DLG2: variants seen among roughly 807,000 people sequenced by gnomAD.
The protein encoded by DLG2 is discs large MAGUK scaffold protein 2.
In DLG2, 45 loss-of-function variants were observed where a neutral mutation model predicts 132.5. The observed-to-expected ratio is 0.34, with a 90% confidence interval of 0.27 to 0.44. The LOEUF (loss-of-function observed/expected upper bound fraction) is 0.44, where lower values mean the gene tolerates loss of function less well. Ranked by LOEUF, DLG2 falls within the 20% of genes least tolerant of loss-of-function variation. The probability of loss-of-function intolerance (pLI) is 1.00; values close to 1 mark genes in which losing one functional copy is unlikely to be tolerated. For synonymous variants in DLG2, 424 were observed against 419.6 expected (o/e 1.01, Z -0.13); for missense variants, 1,045 against 1,196.9 (o/e 0.87, Z 1.87).
chr11:85,279,313 T>C (rs569795090), intron 4 of DLG2, among the ~76,000 whole-genome samples: 90 of 151,286 alleles, frequency 5.9e-4, no homozygotes, highest in African/African-American at 2.1e-3. Flanking sequence ...CAAAGATGAA[T>C]ATACATACCA....
intron 11 of DLG2, among the ~76,000 whole-genome samples, chr11:84,006,882 T>C (rs973174330): frequency 6.6e-6 from 1 of 151,734 alleles, no homozygotes; most frequent in Non-Finnish European, 1.5e-5. Flanking sequence ...ACTGACTGTT[T>C]GTCATATCTT....
intron 3 of DLG2, among the ~76,000 whole-genome samples, chr11:85,347,689 T>C (rs958865225): frequency 6.6e-6 from 1 of 151,990 alleles, no homozygotes; most frequent in African/African-American, 2.4e-5. Context: ...CTTTTGTCAG[T>C]TGATTTTTTA....
intron 6 of DLG2, among the ~76,000 whole-genome samples, chr11:84,734,098 T>A (rs1254593017): frequency 6.6e-6 from 1 of 152,206 alleles, no homozygotes; most frequent in African/African-American, 2.4e-5. Flanking sequence ...TTCTCTTGGC[T>A]TAGGATTGAT....
intron 6 of DLG2, among the ~76,000 whole-genome samples, chr11:84,831,200 C>A (rs956429455): frequency 6.6e-6 from 1 of 151,264 alleles, no homozygotes; most frequent in Non-Finnish European, 1.5e-5. Flanking sequence ...AGCAGAAAGG[C>A]AATTTAGAGA....
chr11:84,638,841 G>A lies in DLG2; in HGVS notation c.358-104110C>T, dbSNP rs183777471. Among the ~76,000 whole-genome samples, 360 of 152,188 alleles carry A rather than the reference G, an allele frequency of 2.4e-3. 1 individual carries two copies. The highest frequency in any genetic ancestry group is 2.5e-3 in the Non-Finnish European group (173 of 67,994). ...AAATTAGAGTGTTGGTCAACATGCC[G>A]TTGATACTGCATTCATAGAATTCCA... is the stretch of plus-strand genomic sequence containing the variant. On this transcript the variant is annotated intron_variant, in intron 6 of 27. Coordinates refer to ENST00000376104, the MANE Select transcript of DLG2 (RefSeq NM_001142699.3).
chr11:85,064,550 A>C (rs2064601773), intron 6 of DLG2, among the ~76,000 whole-genome samples: 1 of 151,758 alleles, frequency 6.6e-6, no homozygotes, highest in Non-Finnish European at 1.5e-5. Context: ...ATACATTTTC[A>C]AAAGGGATTA....
At chr11:84,830,813 T>C (rs2078940553) in intron 6 of DLG2, among the ~76,000 whole-genome samples, 1 of 151,524 alleles carries the variant, frequency 6.6e-6, no homozygotes, top group South Asian at 2.1e-4. Context: ...ATGTATAAGA[T>C]AATAAGATAA....
intron 8 of DLG2, among the ~76,000 whole-genome samples, chr11:84,192,177 A>C (rs2096422553): frequency 6.6e-6 from 1 of 152,204 alleles, no homozygotes; most frequent in Admixed American, 6.5e-5. Flanking sequence ...GTAAAAAATA[A>C]GGTAGATTAT....
chr11:84,969,520 C>T (rs1471344379), intron 6 of DLG2, among the ~76,000 whole-genome samples: 3 of 152,198 alleles, frequency 2.0e-5, no homozygotes, highest in Admixed American at 2.0e-4. Flanking sequence ...AGCTTCCAAT[C>T]TGGGACTCCA....
chr11:85,517,618 T>A (rs1436357343), intron 3 of DLG2, among the ~76,000 whole-genome samples: 1 of 152,090 alleles, frequency 6.6e-6, no homozygotes, highest in African/African-American at 2.4e-5. Flanking sequence ...TCTTCTTTTT[T>A]TTTTTTTAAG....
Position 83,930,473 on chromosome 11 carries a change from G to T in DLG2, c.1351C>A (p.Pro451Thr), listed in dbSNP as rs1326969221. 2 of 1,613,846 alleles carry T rather than the reference G, an allele frequency of 1.2e-6. No individual in the cohort carries two copies. Among genetic ancestry groups the T allele is most frequent in the East Asian group, 2.2e-5 (1 of 44,866 alleles). The change falls in exon 15 of 28, where the codon CCT (proline) becomes ACT (threonine). Residue 451 changes from proline (P) to threonine (T), a missense_variant. Physicochemically the swap from Pro to Thr is conservative, Grantham distance 38. Around this residue, in one of 4 missense-constraint regions of DLG2, gnomAD observed 261 missense variants for 256.1 expected, o/e 1.02. Coordinates refer to ENST00000376104, the MANE Select transcript of DLG2 (RefSeq NM_001142699.3). Reference protein sequence around the residue: ...VDDDYTRPPEPVYSTVNKLCD... With the variant: ...VDDDYTRPPETVYSTVNKLCD... Reference sequence around the variant, plus strand: ...AGTTTGTTCACAGTGCTGTAAACAGGTTCCGGAGGCCTGGTGATACAAGAG... The same window carrying T: ...AGTTTGTTCACAGTGCTGTAAACAGTTTCCGGAGGCCTGGTGATACAAGAG...
At chr11:84,635,720 T>C (rs527290657) in intron 6 of DLG2, among the ~76,000 whole-genome samples, 46 of 152,058 alleles carry the variant, frequency 3.0e-4, no homozygotes, top group Non-Finnish European at 5.3e-4. Context: ...CCTCAAGGAC[T>C]CTGTCATCTT....
intron 7 of DLG2, among the ~76,000 whole-genome samples, chr11:84,262,438 T>C (rs925927702): frequency 3.3e-5 from 5 of 152,200 alleles, no homozygotes; most frequent in African/African-American, 1.2e-4. Context: ...TGTGAGAATA[T>C]ATCCCCAAAG....
chr11:84,747,186 T>C (rs1267489180), intron 6 of DLG2, among the ~76,000 whole-genome samples: 1 of 152,156 alleles, frequency 6.6e-6, no homozygotes, highest in Non-Finnish European at 1.5e-5. Flanking sequence ...GAATGATGAA[T>C]AGGCAACAAA....
intron 7 of DLG2, among the ~76,000 whole-genome samples, chr11:84,275,168 T>C (rs752919531): frequency 5.9e-5 from 9 of 152,320 alleles, no homozygotes; most frequent in Admixed American, 2.6e-4. Flanking sequence ...GTTTATCAGG[T>C]TCCTTTATTC....
intron 7 of DLG2, among the ~76,000 whole-genome samples, chr11:84,502,399 T>G (rs996886940): frequency 1.9e-5 from 2 of 103,972 alleles, no homozygotes; most frequent in Non-Finnish European, 3.9e-5. Context: ...TCTTTCTTTC[T>G]TTCTTTCTTT....
intron 2 of DLG2, among the ~76,000 whole-genome samples, chr11:85,624,866 G>A (rs1334282797): frequency 6.6e-6 from 1 of 152,082 alleles, no homozygotes; most frequent in Non-Finnish European, 1.5e-5. Context: ...AAGGAAAGAA[G>A]AAAGGGAAGG....
intron 3 of DLG2, among the ~76,000 whole-genome samples, chr11:85,567,181 T>G (rs1292744161): frequency 6.6e-6 from 1 of 152,220 alleles, no homozygotes; most frequent in Non-Finnish European, 1.5e-5. Context: ...TGTACGAATT[T>G]TAGAATCAGC....
intron 3 of DLG2, among the ~76,000 whole-genome samples, chr11:85,357,887 A>G (rs539670367): frequency 1.5e-4 from 23 of 151,502 alleles, no homozygotes; most frequent in African/African-American, 4.8e-4. Flanking sequence ...AGGAAGGATA[A>G]TCTATCATCA....
Sources: allele counts gnomAD v4.1 joint callset (sites outside exome capture counted in the v4.1 genomes callset), GRCh38; gene constraint gnomAD v4.1.1; regional missense constraint gnomAD v4.1.1; transcripts MANE v1.5; gene names NCBI Gene and HGNC (gene_info 2026-07-23, HGNC 2026-07-21).